The following RYR2 variants were observed in gnomAD, a reference collection of about 807,000 sequenced individuals.
RYR2 encodes the protein ryanodine receptor 2.
In RYR2, 227 loss-of-function variants were observed where a neutral mutation model predicts 601.1. The observed-to-expected ratio is 0.38, with a 90% CI of 0.34 to 0.42. RYR2 has a LOEUF of 0.42. Ranked by LOEUF, RYR2 falls within the 10% of genes least tolerant of loss-of-function variation. The pLI, the probability that RYR2 is intolerant of heterozygous loss-of-function variation, is 1.00. For missense variants in RYR2, 4,646 were observed against 6,156.5 expected (o/e 0.75, Z 8.21); for synonymous variants, 2,223 against 2,175.1 (o/e 1.02, Z -0.61).
chr1:237,289,697 A>G (rs1311916863), intron 2 of RYR2, among the ~76,000 whole-genome samples: 2 of 152,206 alleles, frequency 1.3e-5, no homozygotes, highest in Admixed American at 1.3e-4. Context: ...TTGGGTGGGG[A>G]CACAGCCAAA....
intron 1 of RYR2, among the ~76,000 whole-genome samples, chr1:237,081,762 G>T (rs970605698): frequency 6.6e-6 from 1 of 151,966 alleles, no homozygotes; most frequent in Non-Finnish European, 1.5e-5. Flanking sequence ...TGGATAGGAG[G>T]CAGCCATTCC....
Position 237,462,309 on chromosome 1 carries a change from A to G in RYR2, c.1612+5574A>G, listed in dbSNP as rs570857036. 2.6e-5 allele frequency among the ~76,000 whole-genome samples: 4 copies of G among 152,348 alleles called. 1 individual carries two copies. The South Asian group carries it at 6.2e-4, about 24-fold the overall frequency. On this transcript the variant is annotated intron_variant, in intron 16 of 104. Coordinates refer to ENST00000366574, the MANE Select transcript of RYR2 (RefSeq NM_001035.3). ...ACCAAGAAGGTGGGAATAAGAATCT[A>G]TAACAATTTTGCATTCGACATGGAT...
chr1:237,384,631 A>G (rs1028820805), intron 8 of RYR2, among the ~76,000 whole-genome samples: 1 of 152,250 alleles, frequency 6.6e-6, no homozygotes, highest in Non-Finnish European at 1.5e-5. Flanking sequence ...ATATTTGCAC[A>G]TAGCGCATTC....
chr1:237,602,195 A>G (rs1290452483), intron 35 of RYR2, 84 bp downstream of exon 35: 64 of 917,538 alleles, frequency 7.0e-5, no homozygotes, highest in Non-Finnish European at 1.0e-4. Flanking sequence ...AATTCAGTAT[A>G]TTAGTACTGA....
intron 3 of RYR2, among the ~76,000 whole-genome samples, chr1:237,345,591 A>G (rs913030212): frequency 6.6e-6 from 1 of 152,112 alleles, no homozygotes; most frequent in African/African-American, 2.4e-5. Context: ...GTAGTAATCA[A>G]CTTGATTTTT....
At chr1:237,105,258 G>GC (rs1338618882) in intron 1 of RYR2, among the ~76,000 whole-genome samples, 3 of 152,194 alleles carry the variant, frequency 2.0e-5, no homozygotes, top group Non-Finnish European at 4.4e-5. Context: ...CCCTCATGGG[G>GC]CTGAGAGTCT....
At chr1:237,641,544 CT>C (rs552588946) in intron 47 of RYR2, among the ~76,000 whole-genome samples, 97 of 121,684 alleles carry the variant, frequency 8.0e-4, no homozygotes, top group Middle Eastern at 3.9e-3. Context: ...TCTTTTCTCT[CT>C]TTTTTTTTTT....
At chr1:237,602,539 T>G (rs1676624446) in intron 35 of RYR2, among the ~76,000 whole-genome samples, 1 of 152,214 alleles carries the variant, frequency 6.6e-6, no homozygotes. Context: ...AACATTTAGT[T>G]TGATTACTAA....
At chr1:237,195,132 G>A (rs1232883092) in intron 1 of RYR2, among the ~76,000 whole-genome samples, 1 of 152,046 alleles carries the variant, frequency 6.6e-6, no homozygotes, top group Non-Finnish European at 1.5e-5. Flanking sequence ...ACTTTTACTA[G>A]AAAAGTTGAA....
intron 1 of RYR2, among the ~76,000 whole-genome samples, chr1:237,185,306 C>T (rs1106160): frequency 0.2 from 30,140 of 152,080 alleles, 5,073 homozygotes; most frequent in African/African-American, 0.46. Context: ...TACATAGAGG[C>T]CCTTTATACC....
chr1:237,550,683 A>G lies in RYR2; in HGVS notation c.3206A>G (p.Gln1069Arg), dbSNP rs1449900096. ...GYGYNLEAPDQDHAARAEVCS... is the reference protein window; with the variant it reads ...GYGYNLEAPDRDHAARAEVCS... ...GGCTACAACTTGGAAGCACCAGATC[A>G]AGATCATGGTATTTTGGTTTTACTT... is the stretch of plus-strand genomic sequence containing the variant. The change falls in exon 27 of 105, where the codon CAA becomes CGA. Residue 1069 changes from glutamine to arginine, a missense_variant. Gln to Arg is a conservative substitution (Grantham distance 43). This residue lies in a region of RYR2 where 1,807 missense variants were observed against 2,088.1 expected (regional missense o/e 0.87). Transcript: ENST00000366574. 9 of 1,552,018 alleles carry G rather than the reference A, an allele frequency of 5.8e-6. No homozygotes were observed. The highest frequency in any genetic ancestry group is 7.8e-6 in the Non-Finnish European group (9 of 1,148,252).
At chr1:237,794,266 G>A (rs1269113949) in intron 95 of RYR2, among the ~76,000 whole-genome samples, 3 of 152,090 alleles carry the variant, frequency 2.0e-5, no homozygotes, top group African/African-American at 7.2e-5. Context: ...ATTACTCAGC[G>A]TTCAGGGATG....
At chr1:237,264,921 C>G (rs906869828) in intron 1 of RYR2, among the ~76,000 whole-genome samples, 1 of 151,832 alleles carries the variant, frequency 6.6e-6, no homozygotes, top group South Asian at 2.1e-4. Context: ...AGGCTGGTCT[C>G]AAACTCCTGA....
chr1:237,397,800 T>A (rs990543979), intron 10 of RYR2, among the ~76,000 whole-genome samples: 8 of 151,100 alleles, frequency 5.3e-5, no homozygotes, highest in Admixed American at 2.0e-4. Context: ...CGGCTCACTG[T>A]AAGCTCCGCC....
intron 1 of RYR2, among the ~76,000 whole-genome samples, chr1:237,223,377 T>G (rs182414002): frequency 6.6e-6 from 1 of 152,272 alleles, no homozygotes; most frequent in African/African-American, 2.4e-5. Context: ...GCTGATTTCC[T>G]CTTAAAGGCC....
intron 2 of RYR2, among the ~76,000 whole-genome samples, chr1:237,282,674 G>A (rs1468762640): frequency 6.6e-6 from 1 of 152,150 alleles, no homozygotes; most frequent in Admixed American, 6.5e-5. Flanking sequence ...TGAAAGTATA[G>A]GGATGGCATT....
chr1:237,452,406 G>A (rs1658292422), intron 14 of RYR2, among the ~76,000 whole-genome samples: 1 of 140,692 alleles, frequency 7.1e-6, no homozygotes, highest in South Asian at 2.2e-4. Context: ...ATATAATATA[G>A]TATAAACTAT....
At chr1:237,606,885 C>T (rs183614427) in intron 35 of RYR2, among the ~76,000 whole-genome samples, 1 of 152,300 alleles carries the variant, frequency 6.6e-6, no homozygotes. Context: ...TACCATCTCA[C>T]ACCAGTTAGA....
intron 98 of RYR2, among the ~76,000 whole-genome samples, chr1:237,804,703 C>T (rs560097005): frequency 4.6e-5 from 7 of 152,276 alleles, no homozygotes; most frequent in South Asian, 2.1e-4. Flanking sequence ...CTTTCAGTGA[C>T]GTCACATGGT....
Sources: gnomAD v4.1 joint callset for allele counts (sites outside exome capture counted in the v4.1 genomes callset) on GRCh38, gnomAD v4.1.1 for gene constraint, gnomAD v4.1.1 regional missense constraint, MANE v1.5 for transcripts, NCBI Gene and HGNC (gene_info 2026-07-23, HGNC 2026-07-21) for gene names.